The following TBC1D5 variants were observed in gnomAD, a reference collection of about 807,000 sequenced individuals.
TBC1D5 encodes TBC1 domain family, member 5.
A neutral mutation model predicts 100.3 loss-of-function variants in TBC1D5; 75 were observed. The observed-to-expected ratio is 0.75, with a 90% CI of 0.62 to 0.91. TBC1D5 has a LOEUF of 0.91. Among genes scored for constraint, TBC1D5 ranks in the 40% least tolerant of loss-of-function variants. The pLI, the probability that TBC1D5 is intolerant of heterozygous loss-of-function variation, is 0.00. For synonymous variants in TBC1D5, 323 were observed against 325.6 expected (o/e 0.99, Z 0.09); for missense variants, 910 against 942.4 (o/e 0.97, Z 0.45).
At chr3:17,728,059 A>C (rs557892006) in intron 1 of TBC1D5, among the ~76,000 whole-genome samples, 1 of 152,340 alleles carries the variant, frequency 6.6e-6, no homozygotes, top group South Asian at 2.1e-4. Context: ...AGAGAAACCC[A>C]AAAAGGCATT....
chr3:17,427,671 A>C (rs907524494), intron 4 of TBC1D5, among the ~76,000 whole-genome samples: 1 of 151,930 alleles, frequency 6.6e-6, no homozygotes, highest in South Asian at 2.1e-4. Flanking sequence ...TTGTTTCTTC[A>C]AGAATCTGCA....
At chr3:17,705,921 C>T (rs2074083894) in intron 1 of TBC1D5, 9 of 1,019,562 alleles carry the variant, frequency 8.8e-6, no homozygotes, top group Admixed American at 2.8e-5. Flanking sequence ...CTCGGGCCCG[C>T]GGGGCCCGTC....
chr3:17,170,035 G>A (rs2067017237), intron 19 of TBC1D5, among the ~76,000 whole-genome samples: 2 of 152,188 alleles, frequency 1.3e-5, no homozygotes, highest in East Asian at 1.9e-4. Flanking sequence ...GCTGGCTCAC[G>A]TGCCCCTCAC....
intron 13 of TBC1D5, among the ~76,000 whole-genome samples, chr3:17,359,879 T>C (rs2091550483): frequency 6.6e-6 from 1 of 151,880 alleles, no homozygotes; most frequent in Non-Finnish European, 1.5e-5. Context: ...CGGAGACCCA[T>C]GAAATAAAAA....
intron 2 of TBC1D5, among the ~76,000 whole-genome samples, chr3:17,531,509 A>C (rs2096224927): frequency 6.6e-6 from 1 of 152,208 alleles, no homozygotes; most frequent in South Asian, 2.1e-4. Flanking sequence ...GGAAGCAAAA[A>C]AGAGCCCGCA....
At chr3:17,281,054 C>T (rs780567177) in intron 15 of TBC1D5, among the ~76,000 whole-genome samples, 24 of 152,286 alleles carry the variant, frequency 1.6e-4, no homozygotes, top group African/African-American at 5.5e-4. Flanking sequence ...TTGCCTCTGC[C>T]GGTGCCAAAG....
intron 1 of TBC1D5, among the ~76,000 whole-genome samples, chr3:17,670,140 G>C (rs554397843): frequency 3.9e-5 from 6 of 152,022 alleles, no homozygotes; most frequent in Non-Finnish European, 5.9e-5. Context: ...TGCTCACCTC[G>C]GCCTCCCAAA....
At chr3:17,301,092 T>C (rs1447943734) in intron 14 of TBC1D5, among the ~76,000 whole-genome samples, 2 of 144,618 alleles carry the variant, frequency 1.4e-5, no homozygotes, top group Non-Finnish European at 3.0e-5. Flanking sequence ...AAAAGGAAAA[T>C]CTATAAATAA....
chr3:17,210,511 C>T (rs1212381028), intron 18 of TBC1D5, among the ~76,000 whole-genome samples: 3 of 152,182 alleles, frequency 2.0e-5, no homozygotes, highest in African/African-American at 4.8e-5. Flanking sequence ...TTCAAAGTAT[C>T]GCTCCATTGT....
At chr3:17,477,724 T>G (rs1340881960) in intron 3 of TBC1D5, among the ~76,000 whole-genome samples, 2 of 152,074 alleles carry the variant, frequency 1.3e-5, no homozygotes, top group Non-Finnish European at 2.9e-5. Context: ...AAATATAACC[T>G]AGAAAGCAAT....
At chr3:17,705,958 C>A in intron 1 of TBC1D5, 2 of 1,332,700 alleles carry the variant, frequency 1.5e-6, no homozygotes, top group Non-Finnish European at 2.0e-6. Flanking sequence ...GCCTCCCGGG[C>A]GGCGCTCCTC....
intron 3 of TBC1D5, among the ~76,000 whole-genome samples, chr3:17,454,567 C>A (rs957092746): frequency 1.2e-4 from 19 of 152,132 alleles, no homozygotes; most frequent in African/African-American, 4.6e-4. Flanking sequence ...TCACGCCATT[C>A]TCCTGCCTCA....
intron 18 of TBC1D5, among the ~76,000 whole-genome samples, chr3:17,210,173 G>A (rs1371494319): frequency 6.6e-6 from 1 of 151,554 alleles, no homozygotes; most frequent in African/African-American, 2.4e-5. Flanking sequence ...TAGGTTAGAA[G>A]TAATTTTTTT....
At chr3:17,624,435 C>T (rs931328726) in intron 1 of TBC1D5, among the ~76,000 whole-genome samples, 1 of 151,926 alleles carries the variant, frequency 6.6e-6, no homozygotes, top group Non-Finnish European at 1.5e-5. Flanking sequence ...AACAATGCTG[C>T]GTGAACAGCC....
intron 3 of TBC1D5, among the ~76,000 whole-genome samples, chr3:17,484,455 G>GGGGTGT (rs1309270588): frequency 1.8e-5 from 2 of 111,544 alleles, no homozygotes; most frequent in African/African-American, 8.0e-5. Flanking sequence ...GTAACACCAG[G>GGGGTGT]GTGTGTGTGT....
intron 20 of TBC1D5, 33 bp downstream of exon 21, chr3:17,167,716 C>T: frequency 6.2e-7 from 1 of 1,604,168 alleles, no homozygotes; most frequent in South Asian, 1.1e-5. Flanking sequence ...GCAGGCGGGA[C>T]ACAAAGAAAT....
chr3:17,263,650 T>TG (rs1189813190), intron 15 of TBC1D5, among the ~76,000 whole-genome samples: 1 of 152,194 alleles, frequency 6.6e-6, no homozygotes, highest in Admixed American at 6.5e-5. Context: ...ATCAAACCCA[T>TG]GGCAGGGACA....
chr3:17,581,257 C>CT (rs1180390859), intron 2 of TBC1D5, among the ~76,000 whole-genome samples: 1 of 152,164 alleles, frequency 6.6e-6, no homozygotes, highest in Non-Finnish European at 1.5e-5. Context: ...CATTAAACCA[C>CT]TTTTTCTTTA....
At chr3:17,618,609 G>A (rs1270053125) in intron 2 of TBC1D5, among the ~76,000 whole-genome samples, 1 of 152,196 alleles carries the variant, frequency 6.6e-6, no homozygotes, top group African/African-American at 2.4e-5. Flanking sequence ...TCAGCAATGG[G>A]GGACGCCCCT....
Sources: allele counts gnomAD v4.1 joint callset (sites outside exome capture counted in the v4.1 genomes callset), GRCh38; gene constraint gnomAD v4.1.1; transcripts MANE v1.5; gene names NCBI Gene and HGNC (gene_info 2026-07-23, HGNC 2026-07-21).